The following FER variants were observed in gnomAD, a reference collection of about 807,000 sequenced individuals.
FER encodes tyrosine-protein kinase Fer.
In FER, 63 loss-of-function variants were observed where a neutral mutation model predicts 111.0. The ratio of observed to expected loss-of-function variants is 0.57; its 90% CI spans 0.46 to 0.70. The LOEUF is 0.70. Among genes scored for constraint, FER ranks in the 30% least tolerant of loss-of-function variants. The pLI is 0.00. For synonymous variants in FER, 327 were observed against 313.9 expected (o/e 1.04, Z -0.44); for missense variants, 914 against 954.0 (o/e 0.96, Z 0.55).
chr5:108,783,956 G>T (rs1306981266), intron 2 of FER: 1 of 152,290 alleles, frequency 6.6e-6, no homozygotes, highest in South Asian at 2.1e-4. Flanking sequence ...CTGACTGCCT[G>T]TTCTGATGTC....
chr5:109,095,375 G>C (rs1747370918), intron 16 of FER, among the ~76,000 whole-genome samples: 1 of 151,960 alleles, frequency 6.6e-6, no homozygotes, highest in South Asian at 2.1e-4. Context: ...GCTTATTACT[G>C]AGTCTTTTCA....
intron 3 of FER, among the ~76,000 whole-genome samples, chr5:108,822,255 T>A (rs1033257313): frequency 6.6e-6 from 1 of 152,200 alleles, no homozygotes; most frequent in Non-Finnish European, 1.5e-5. Flanking sequence ...TACTATAATT[T>A]CTTTATCTAT....
intron 3 of FER, among the ~76,000 whole-genome samples, chr5:108,812,140 G>A (rs1757829854): frequency 6.6e-6 from 1 of 152,186 alleles, no homozygotes; most frequent in African/African-American, 2.4e-5. Flanking sequence ...CACTATAACT[G>A]TGAACTTGCC....
At chr5:109,093,502 A>G (rs931306635) in intron 16 of FER, among the ~76,000 whole-genome samples, 14 of 152,110 alleles carry the variant, frequency 9.2e-5, no homozygotes, top group African/African-American at 3.4e-4. Context: ...TATGTTTTTA[A>G]TTATTTAAAT....
At chr5:109,051,980 G>A in intron 16 of FER, 1 of 1,586,638 alleles carries the variant, frequency 6.3e-7, no homozygotes, top group East Asian at 2.2e-5. Flanking sequence ...GACTTGAAGA[G>A]GATACTGATG....
chr5:109,020,395 CT>C (rs971507356), intron 13 of FER, among the ~76,000 whole-genome samples: 1 of 151,838 alleles, frequency 6.6e-6, no homozygotes, highest in Non-Finnish European at 1.5e-5. Context: ...CAAAATTTCT[CT>C]TTTTTAAAGA....
chr5:109,030,329 C>G (rs1175946693), intron 13 of FER, among the ~76,000 whole-genome samples: 1 of 152,108 alleles, frequency 6.6e-6, no homozygotes, highest in Non-Finnish European at 1.5e-5. Context: ...ACTGTCTTTT[C>G]TCATTCAGAT....
At chr5:108,958,277 G>T (rs1758695595) in intron 12 of FER, among the ~76,000 whole-genome samples, 1 of 151,660 alleles carries the variant, frequency 6.6e-6, no homozygotes, top group South Asian at 2.1e-4. Context: ...TCAGAATTTA[G>T]TCAGTTTCGA....
intron 11 of FER, among the ~76,000 whole-genome samples, chr5:108,947,864 T>C (rs1757188329): frequency 6.6e-6 from 1 of 151,656 alleles, no homozygotes; most frequent in Non-Finnish European, 1.5e-5. Context: ...GAGGTACAGG[T>C]TCAAATTTTT....
intron 18 of FER, among the ~76,000 whole-genome samples, chr5:109,184,257 G>A (rs1280502432): frequency 6.6e-6 from 1 of 152,192 alleles, no homozygotes; most frequent in Non-Finnish European, 1.5e-5. Flanking sequence ...TGAAATGGGA[G>A]GGAGGCAGAA....
chr5:109,025,865 G>A (rs11958509), intron 13 of FER, among the ~76,000 whole-genome samples: 87,689 of 151,924 alleles, frequency 0.58, 26,126 homozygotes, highest in African/African-American at 0.65. Flanking sequence ...CTTTTTGAAC[G>A]TACATATTTT....
intron 3 of FER, among the ~76,000 whole-genome samples, chr5:108,822,688 T>C (rs755192313): frequency 1.3e-5 from 2 of 151,776 alleles, no homozygotes; most frequent in Non-Finnish European, 2.9e-5. Flanking sequence ...TACCACCACA[T>C]TGGGGATCAA....
chr5:108,835,451 C>T (rs1760552862), intron 4 of FER, among the ~76,000 whole-genome samples: 1 of 152,082 alleles, frequency 6.6e-6, no homozygotes. Flanking sequence ...TCCCAAAGTG[C>T]TGGTTACAGG....
chr5:109,057,576 T>C (rs1773809709), intron 16 of FER, among the ~76,000 whole-genome samples: 1 of 152,172 alleles, frequency 6.6e-6, no homozygotes, highest in African/African-American at 2.4e-5. Context: ...GTAGCCTTGC[T>C]CCTGGCACAA....
At chr5:108,977,389 A>G (rs1761497783) in intron 13 of FER, among the ~76,000 whole-genome samples, 3 of 152,054 alleles carry the variant, frequency 2.0e-5, no homozygotes, top group Admixed American at 2.0e-4. Context: ...ATTTTTTCTC[A>G]ATATTTCTAG....
chr5:108,848,564 T>C (rs1580857054), intron 5 of FER, among the ~76,000 whole-genome samples: 1 of 152,146 alleles, frequency 6.6e-6, no homozygotes, highest in East Asian at 1.9e-4. Flanking sequence ...ACCATGTATA[T>C]AGTATGGGAA....
At chr5:108,965,935 T>C (rs1759750416) in intron 13 of FER, among the ~76,000 whole-genome samples, 1 of 152,152 alleles carries the variant, frequency 6.6e-6, no homozygotes, top group Non-Finnish European at 1.5e-5. Context: ...TTAGGCTTGA[T>C]CTACTTAATA....
chr5:109,083,085 ATAAT>A (rs1378459202), intron 16 of FER, among the ~76,000 whole-genome samples: 2 of 152,064 alleles, frequency 1.3e-5, no homozygotes, highest in Non-Finnish European at 2.9e-5. Flanking sequence ...TCTTGAAGAA[ATAAT>A]TAATGATATG....
intron 10 of FER, among the ~76,000 whole-genome samples, chr5:108,944,811 T>C (rs114672687): frequency 0.012 from 1,620 of 132,376 alleles, 31 homozygotes; most frequent in African/African-American, 0.043. Context: ...TTTGATAATA[T>C]GTTTTTAGGC....
Sources: allele counts gnomAD v4.1 joint callset (sites outside exome capture counted in the v4.1 genomes callset), GRCh38; gene constraint gnomAD v4.1.1; transcripts MANE v1.5; gene names NCBI Gene and HGNC (gene_info 2026-07-23, HGNC 2026-07-21).